Variants in ROBO1 observed in about 807,000 individuals in gnomAD.
ROBO1 encodes roundabout homolog 1.
ROBO1 carries 149 observed loss-of-function variants against 195.9 expected under a neutral mutation model. The observed-to-expected ratio is 0.76, with a 90% CI of 0.67 to 0.87. ROBO1 has a LOEUF of 0.87. ROBO1 is among the 40% of genes least tolerant of loss of function. ROBO1 has a pLI of 0.00. For missense variants in ROBO1, 1,933 were observed against 2,068.3 expected, an observed-to-expected ratio of 0.93 and a Z score of 1.27; for synonymous variants, 816 against 733.2, an observed-to-expected ratio of 1.11 and a Z score of -1.82.
intron 3 of ROBO1, among the ~76,000 whole-genome samples, chr3:79,030,192 A>G (rs531130264): frequency 9.2e-5 from 14 of 152,286 alleles, no homozygotes; most frequent in Middle Eastern, 6.8e-3. Flanking sequence ...ACTAGGGGTG[A>G]TTCTACCCCC....
chr3:78,830,754 A>C (rs1353132654), intron 4 of ROBO1, among the ~76,000 whole-genome samples: 1 of 152,152 alleles, frequency 6.6e-6, no homozygotes, highest in Non-Finnish European at 1.5e-5. Flanking sequence ...CAGGAAAAGA[A>C]ATTCTCATGA....
rs557424564 is a variant in ROBO1, at chr3:78,949,719, C to T, written c.173-10792G>A. Reference sequence around the variant, plus strand: ...CAAAGGAAACTACCATCAGAGTGAACAGGCAACCTACAGAATGGGAGAAAA... The same window carrying T: ...CAAAGGAAACTACCATCAGAGTGAATAGGCAACCTACAGAATGGGAGAAAA... On this transcript the variant is annotated intron_variant, in intron 3 of 30. Transcript: ENST00000464233. Among the ~76,000 whole-genome samples the T allele has an allele frequency of 4.6e-5, 7 of 152,042 alleles. No homozygotes were observed. The East Asian group carries it at 5.8e-4, about 13-fold the overall frequency.
At chr3:78,729,170 T>C (rs1016672283) in intron 5 of ROBO1, among the ~76,000 whole-genome samples, 2 of 152,158 alleles carry the variant, frequency 1.3e-5, no homozygotes, top group African/African-American at 4.8e-5. Context: ...AATTGATAAA[T>C]TGGTAGTTGG....
At chr3:79,085,991 A>G (rs1408729523) in intron 3 of ROBO1, among the ~76,000 whole-genome samples, 1 of 152,230 alleles carries the variant, frequency 6.6e-6, no homozygotes, top group East Asian at 1.9e-4. Context: ...TATTATTATT[A>G]CAAACAGCTG....
At chr3:78,681,004 TA>T (rs1559739155) in intron 10 of ROBO1, among the ~76,000 whole-genome samples, 1 of 151,516 alleles carries the variant, frequency 6.6e-6, no homozygotes, top group Admixed American at 6.6e-5. Flanking sequence ...TATGCAGCCA[TA>T]AAAAATGATG....
chr3:79,008,168 C>G lies in ROBO1; in HGVS notation c.173-69241G>C, dbSNP rs17016695. 0.017 allele frequency among the ~76,000 whole-genome samples: 2,552 copies of G among 152,274 alleles called. 153 individuals carry two copies. The East Asian group carries it at 0.19, about 11-fold the overall frequency. On this transcript the variant is annotated intron_variant, in intron 3 of 30. Coordinates refer to ENST00000464233, the MANE Select transcript of ROBO1 (RefSeq NM_002941.4). The stretch of plus-strand genomic sequence containing the variant: ...AGTTCCCAAAATGCAATTCTCCCTT[C>G]TTTCATCATATCAGAAACATCTTTC...
At chr3:78,667,790 A>C in intron 14 of ROBO1, 93 bp downstream of exon 14, 1 of 1,285,626 alleles carries the variant, frequency 7.8e-7, no homozygotes, top group South Asian at 1.5e-5. Flanking sequence ...CTGTAAATGT[A>C]CAATTCTAGC....
At chr3:78,605,154 T>G (rs1336129683) in intron 29 of ROBO1, among the ~76,000 whole-genome samples, 2 of 152,230 alleles carry the variant, frequency 1.3e-5, no homozygotes, top group Non-Finnish European at 2.9e-5. Flanking sequence ...TGGTTTACAT[T>G]CAACTTTCAC....
At chr3:78,644,919 G>C (rs1180141400) in intron 21 of ROBO1, among the ~76,000 whole-genome samples, 1 of 152,154 alleles carries the variant, frequency 6.6e-6, no homozygotes, top group Non-Finnish European at 1.5e-5. Flanking sequence ...TAATGAAGTG[G>C]TTATAAAATC....
At chr3:79,001,481 T>G in intron 3 of ROBO1, among the ~76,000 whole-genome samples, 1 of 151,984 alleles carries the variant, frequency 6.6e-6, no homozygotes, top group African/African-American at 2.4e-5. Flanking sequence ...GAACTTTGTG[T>G]GTAGTGACCA....
intron 4 of ROBO1, among the ~76,000 whole-genome samples, chr3:78,781,249 A>C (rs1023193443): frequency 6.6e-6 from 1 of 152,148 alleles, no homozygotes; most frequent in Non-Finnish European, 1.5e-5. Context: ...CCAAATAGTC[A>C]GATTTATCAC....
chr3:78,717,837 G>T lies in ROBO1; in HGVS notation c.704C>A (p.Ala235Asp), dbSNP rs898830954. 2 of 1,613,512 alleles carry T rather than the reference G, an allele frequency of 1.2e-6. No individual in the cohort carries two copies. Among genetic ancestry groups the T allele is most frequent in the African/African-American group, 2.7e-5 (2 of 74,868 alleles). ...LMITYTRKSD[A>D]GKYVCVGTNM... ...GGTACCAACACAAACATATTTGCCA[G>T]CGTCACTTTTACGGGTGTAAGTGAT... Residue 235 changes from alanine to aspartate, a missense_variant, in exon 6 of 31, where the codon GCT becomes GAT. Around this residue, in one of 3 missense-constraint regions of ROBO1, gnomAD observed 1,737 missense variants for 1,882.5 expected, o/e 0.92. Coordinates refer to ENST00000464233, the MANE Select transcript of ROBO1 (RefSeq NM_002941.4).
chr3:79,599,261 A>G (rs1944270231), intron 1 of ROBO1, among the ~76,000 whole-genome samples: 1 of 152,072 alleles, frequency 6.6e-6, no homozygotes, highest in Non-Finnish European at 1.5e-5. Flanking sequence ...ATAATCATTA[A>G]AAGTTCTACT....
chr3:79,050,633 T>C (rs1376116894), intron 3 of ROBO1, among the ~76,000 whole-genome samples: 1 of 152,182 alleles, frequency 6.6e-6, no homozygotes, highest in Non-Finnish European at 1.5e-5. Flanking sequence ...ATGGCACTTA[T>C]TCTAAAATTG....
chr3:78,849,628 A>G (rs930328937), intron 4 of ROBO1, among the ~76,000 whole-genome samples: 1 of 152,050 alleles, frequency 6.6e-6, no homozygotes, highest in African/African-American at 2.4e-5. Flanking sequence ...ATATATATAT[A>G]AAATCACATC....
In ROBO1 at chr3:78,717,333, C is replaced by T; in HGVS notation, c.859G>A (p.Gly287Ser). ...CATCGTACTGTAGGTACAGGGTCAC[C>T]TCGGGCCTCACATTTAAATTCTGCA... ...DSAEFKCEARGDPVPTVRWRK... is the reference protein window; with the variant it reads ...DSAEFKCEARSDPVPTVRWRK... Residue 287 changes from glycine to serine, a missense_variant, in exon 7 of 31, where the codon GGT becomes AGT. Physicochemically the swap from Gly to Ser is moderately conservative, Grantham distance 56 (BLOSUM62 0). Transcript: ENST00000464233. The T allele has an allele frequency of 6.2e-7, 1 of 1,612,438 alleles. No homozygotes were observed. Among genetic ancestry groups the T allele is most frequent in the Non-Finnish European group, 8.5e-7 (1 of 1,179,238 alleles).
chr3:79,683,837 A>G (rs913809894), intron 1 of ROBO1, among the ~76,000 whole-genome samples: 1 of 152,080 alleles, frequency 6.6e-6, no homozygotes, highest in Admixed American at 6.6e-5. Context: ...TATACTGTGT[A>G]TCTATTCATA....
At chr3:79,626,623 C>T (rs906868403) in intron 1 of ROBO1, among the ~76,000 whole-genome samples, 12 of 152,034 alleles carry the variant, frequency 7.9e-5, no homozygotes, top group African/African-American at 2.9e-4. Context: ...CACTCCTATT[C>T]AACATAGTAT....
chr3:78,719,461 A>G (rs9866063), intron 5 of ROBO1, among the ~76,000 whole-genome samples: 5,975 of 148,952 alleles, frequency 0.04, 389 homozygotes, highest in African/African-American at 0.14. Context: ...GTGTGTATAC[A>G]TACACACTCA....
Sources: allele counts gnomAD v4.1 joint callset (sites outside exome capture counted in the v4.1 genomes callset), GRCh38; gene constraint gnomAD v4.1.1; regional missense constraint gnomAD v4.1.1; transcripts MANE v1.5; gene names NCBI Gene and HGNC (gene_info 2026-07-23, HGNC 2026-07-21).